The following LNPEP variants were observed in gnomAD, a reference collection of about 807,000 sequenced individuals.
LNPEP encodes leucyl and cystinyl aminopeptidase, also known as leucyl-cystinyl aminopeptidase.
In LNPEP, 64 loss-of-function variants were observed where a neutral mutation model predicts 120.6. The observed-to-expected ratio is 0.53, with a 90% CI of 0.43 to 0.65. LNPEP has a LOEUF of 0.65. Ranked by LOEUF, LNPEP falls within the 30% of genes least tolerant of loss-of-function variation. The probability of loss-of-function intolerance (pLI) is 0.00; values close to 1 mark genes in which losing one functional copy is unlikely to be tolerated. For synonymous variants in LNPEP, 435 were observed against 425.4 expected, an observed-to-expected ratio of 1.02 and a Z score of -0.28; for missense variants, 1,057 against 1,200.0, an observed-to-expected ratio of 0.88 and a Z score of 1.76.
chr5:96,969,041 T>G lies in LNPEP; in HGVS notation c.20-10097T>G, dbSNP rs114729670. Among the ~76,000 whole-genome samples, 1,098 of 152,172 alleles carry G rather than the reference T, an allele frequency of 7.2e-3. 14 individuals are homozygous for G. The highest frequency in any genetic ancestry group is 0.025 in the African/African-American group (1,030 of 41,520). On this transcript the variant is annotated intron_variant, in intron 1 of 17. Coordinates refer to ENST00000231368, the MANE Select transcript of LNPEP (RefSeq NM_005575.3). ...CCTGAACAACTGCAGAATGGTTATA[T>G]TTATGCAAAATGAGCCTCAGAATTG...
chr5:96,989,873 G>A (rs190926633), intron 4 of LNPEP, among the ~76,000 whole-genome samples: 51 of 152,294 alleles, frequency 3.3e-4, no homozygotes, highest in Non-Finnish European at 6.5e-4. Flanking sequence ...CCTAATCATT[G>A]TATTCCAGAG....
chr5:96,944,966 G>C (rs1010255543), intron 1 of LNPEP, among the ~76,000 whole-genome samples: 7 of 152,090 alleles, frequency 4.6e-5, no homozygotes, highest in African/African-American at 1.7e-4. Context: ...GTTAAGATAA[G>C]GTAAGGGGTC....
chr5:96,978,234 C>A (rs1790046130), intron 1 of LNPEP, among the ~76,000 whole-genome samples: 1 of 151,882 alleles, frequency 6.6e-6, no homozygotes, highest in Non-Finnish European at 1.5e-5. Flanking sequence ...GACCCTTCTA[C>A]TTCTAGAGTC....
chr5:97,017,389 G>A (rs1365637248), intron 13 of LNPEP, among the ~76,000 whole-genome samples: 1 of 151,882 alleles, frequency 6.6e-6, no homozygotes, highest in Non-Finnish European at 1.5e-5. Flanking sequence ...TGTTGGTCAT[G>A]TATATTTGCA....
intron 16 of LNPEP, among the ~76,000 whole-genome samples, chr5:97,027,465 A>T (rs1232989183): frequency 6.6e-6 from 1 of 152,154 alleles, no homozygotes; most frequent in Non-Finnish European, 1.5e-5. Context: ...CTTTTAAATC[A>T]ATAATGGCAT....
intron 8 of LNPEP, among the ~76,000 whole-genome samples, 161 bp downstream of exon 8, chr5:96,998,306 AC>A (rs1790565354): frequency 6.6e-6 from 1 of 152,120 alleles, no homozygotes; most frequent in African/African-American, 2.4e-5. Flanking sequence ...CTTGGTCATA[AC>A]TTTTTTGTGG....
Position 96,962,836 on chromosome 5 carries a change from T to A in LNPEP, c.20-16302T>A, listed in dbSNP as rs183750553. The stretch of plus-strand genomic sequence containing the variant: ...GTATTAGCATATGATTTGCCCTCAG[T>A]GAATGTTGGCTTTTATCAACATTGT... On this transcript the variant is annotated intron_variant, in intron 1 of 17. Transcript: ENST00000231368. 5 of 151,404 alleles carry A rather than the reference T, an allele frequency of 3.3e-5. No homozygotes were observed. In the East Asian group the frequency reaches 7.8e-4, roughly 24 times the overall value. 9.4% of individuals were successfully genotyped at this position (151,404 alleles called of 1,614,324 possible).
intron 11 of LNPEP, among the ~76,000 whole-genome samples, chr5:97,007,434 T>C (rs535517597): frequency 1.3e-5 from 2 of 152,286 alleles, no homozygotes; most frequent in African/African-American, 4.8e-5. Flanking sequence ...GTAGTTGTGG[T>C]GAGGATTAAA....
chr5:96,980,483 G>A (rs1790097346), intron 2 of LNPEP, among the ~76,000 whole-genome samples: 2 of 151,970 alleles, frequency 1.3e-5, no homozygotes, highest in Admixed American at 6.6e-5. Flanking sequence ...GTCTATTTTG[G>A]ATTTCTGGTG....
chr5:97,033,720 T>C lies in LNPEP; in HGVS notation c.*5187T>C, dbSNP rs1791516438. On this transcript the variant is annotated 3_prime_UTR_variant, in exon 18 of 18. Transcript: ENST00000231368. Reference sequence around the variant, plus strand: ...GCAGGTGTCTAAGAGAGTAGTTGATTAGCTTCAGGGATTCTTTGGTGGGTG... The same window carrying C: ...GCAGGTGTCTAAGAGAGTAGTTGATCAGCTTCAGGGATTCTTTGGTGGGTG... 2 of 152,190 alleles carry C rather than the reference T, an allele frequency of 1.3e-5. No homozygotes were observed. Among genetic ancestry groups the C allele is most frequent in the South Asian group, 4.1e-4 (2 of 4,836 alleles). 9.4% of individuals were successfully genotyped at this position (152,190 alleles called of 1,614,324 possible). A position where few individuals can be genotyped will look rare whatever the true frequency, so the allele number is the denominator to read the frequency against.
chr5:97,004,801 C>T (rs889902143), intron 9 of LNPEP, among the ~76,000 whole-genome samples: 3 of 152,100 alleles, frequency 2.0e-5, no homozygotes, highest in Non-Finnish European at 4.4e-5. Context: ...CAGTTGTTCC[C>T]AAATCATTGT....
At chr5:97,011,493 G>A (rs1790926705) in intron 11 of LNPEP, among the ~76,000 whole-genome samples, 1 of 152,200 alleles carries the variant, frequency 6.6e-6, no homozygotes, top group Non-Finnish European at 1.5e-5. Context: ...GTCTCTCAGA[G>A]TGCTGGGATT....
intron 11 of LNPEP, among the ~76,000 whole-genome samples, chr5:97,007,329 A>C (rs1282956086): frequency 6.6e-6 from 1 of 152,148 alleles, no homozygotes; most frequent in East Asian, 1.9e-4. Context: ...TTCAATTCTT[A>C]GCAGTACCAT....
intron 8 of LNPEP, 90 bp from the exon 9 acceptor site, chr5:97,003,325 A>G (rs1167599240): frequency 6.7e-6 from 5 of 750,984 alleles, no homozygotes; most frequent in Non-Finnish European, 1.0e-5. Context: ...AATTTTTAGA[A>G]TGACTGTAGT....
rs1791574489 is a variant in LNPEP at position 97,036,449 on chromosome 5, T to C, written c.*7916T>C. On this transcript the variant is annotated 3_prime_UTR_variant, in exon 18 of 18. Coordinates refer to ENST00000231368, the MANE Select transcript of LNPEP (RefSeq NM_005575.3). ...GCTGCCTCATTAGCCTTGTATTTTG[T>C]GTGCATATCATGTATCCAGACCTGT... The C allele has an allele frequency of 6.6e-6, 1 of 152,208 alleles. No individual in the cohort carries two copies. The allele number at this position is 152,208 out of a possible 1,614,324, so 9.4% of individuals were successfully genotyped here.
In LNPEP at chr5:96,979,669, A is replaced by T. The variant is rs1346314135; in HGVS notation, c.551A>T (p.Asn184Ile). ...CGCTATGAACTCAGCCTACACCCGA[A>T]CCTAACCTCGATGACATTCAGGGGT... ...PLRYELSLHP[N>I]LTSMTFRGSV... The change falls in exon 2 of 18, where the codon AAC (asparagine) becomes ATC (isoleucine). Residue 184 changes from asparagine (N) to isoleucine (I), a missense_variant. By Grantham distance (149) the Asn-to-Ile change is moderately radical (BLOSUM62 -3). Transcript: ENST00000231368. 2 of 1,613,914 alleles carry T rather than the reference A, an allele frequency of 1.2e-6. No individual in the cohort carries two copies. Among genetic ancestry groups the T allele is most frequent in the Non-Finnish European group, 8.5e-7 (1 of 1,179,964 alleles).
At chr5:96,986,772 T>G in intron 4 of LNPEP, 102 bp downstream of exon 4, 4 of 1,057,812 alleles carry the variant, frequency 3.8e-6, no homozygotes, top group Non-Finnish European at 5.5e-6. Flanking sequence ...ATAAATAAGC[T>G]TTTAGATCAC....
intron 13 of LNPEP, among the ~76,000 whole-genome samples, chr5:97,016,492 A>G (rs149527643): frequency 1.3e-4 from 20 of 152,300 alleles, no homozygotes; most frequent in Non-Finnish European, 5.9e-5. Flanking sequence ...AGTAAGTGAT[A>G]AAGCTGAAAT....
At chr5:96,996,550 A>C in intron 7 of LNPEP, 47 bp downstream of exon 7, 2 of 941,366 alleles carry the variant, frequency 2.1e-6, no homozygotes, top group South Asian at 1.3e-5. Flanking sequence ...AGGAGGAAAA[A>C]TAGTCAAATC....
Sources: allele counts gnomAD v4.1 joint callset (sites outside exome capture counted in the v4.1 genomes callset), GRCh38; gene constraint gnomAD v4.1.1; transcripts MANE v1.5; gene names NCBI Gene and HGNC (gene_info 2026-07-23, HGNC 2026-07-21).